The following ACTR1A variants were observed in gnomAD, a reference collection of about 807,000 sequenced individuals.
The protein encoded by ACTR1A is alpha-centractin.
A neutral mutation model predicts 50.7 loss-of-function variants in ACTR1A; 10 were observed. That is an observed-to-expected ratio of 0.20 (90% CI 0.12 to 0.33). The LOEUF (loss-of-function observed/expected upper bound fraction) is 0.33, where lower values mean the gene tolerates loss of function less well. ACTR1A is among the 10% of genes least tolerant of loss of function. The pLI, the probability that ACTR1A is intolerant of heterozygous loss-of-function variation, is 1.00. For synonymous variants in ACTR1A, 177 were observed against 184.2 expected (o/e 0.96, Z 0.32); for missense variants, 253 against 491.7 (o/e 0.51, Z 4.59).
intron 1 of ACTR1A, among the ~76,000 whole-genome samples, chr10:102,500,566 CAAAA>C (rs1277297771): frequency 8.3e-6 from 1 of 120,702 alleles, no homozygotes; most frequent in African/African-American, 3.0e-5. Flanking sequence ...GACTCCGTCT[CAAAA>C]ACAAACAAAC....
intron 1 of ACTR1A, among the ~76,000 whole-genome samples, chr10:102,499,466 A>G (rs768260884): frequency 3.3e-5 from 5 of 152,030 alleles, no homozygotes; most frequent in Non-Finnish European, 7.4e-5. Context: ...CCAGAGGGGG[A>G]AAAAAAAGAC....
chr10:102,487,708 T>A (rs1165874379), intron 4 of ACTR1A, among the ~76,000 whole-genome samples: 1 of 149,108 alleles, frequency 6.7e-6, no homozygotes, highest in Non-Finnish European at 1.5e-5. Flanking sequence ...CTCGGCTCAC[T>A]GCAAGCTCCG....
chr10:102,484,437 T>G (rs1589960011), intron 5 of ACTR1A, 61 bp from the exon 6 acceptor site: 1 of 1,414,412 alleles, frequency 7.1e-7, no homozygotes, highest in East Asian at 2.3e-5. Context: ...AGAAATACAC[T>G]TCTTTATTTA....
intron 1 of ACTR1A, among the ~76,000 whole-genome samples, chr10:102,495,726 C>T (rs2062217671): frequency 6.8e-6 from 1 of 147,756 alleles, no homozygotes; most frequent in African/African-American, 2.5e-5. Flanking sequence ...CAGCCTCCGT[C>T]TCAAAATAAA....
chr10:102,481,715 C>A (rs750989758), intron 9 of ACTR1A, 122 bp downstream of exon 9: 5 of 1,178,310 alleles, frequency 4.2e-6, no homozygotes, highest in South Asian at 1.3e-5. Context: ...GGGAACCTGG[C>A]GCTGCTTGTA....
chr10:102,484,202 G>T lies in ACTR1A; in HGVS notation c.615C>A (p.Phe205Leu). Residue 205 changes from phenylalanine (F) to leucine (L), a missense_variant, in exon 6 of 11, where the codon TTC (phenylalanine) becomes TTA (leucine). Around this residue, in one of 4 missense-constraint regions of ACTR1A, gnomAD observed 116 missense variants for 155.9 expected, o/e 0.74. Coordinates refer to ENST00000369905, the MANE Select transcript of ACTR1A (RefSeq NM_005736.4). ...CAATCTCAAACTCAGAGGATGAGTG[G>T]AAGTCGTAGCCCTCCTTACGCAGGT... ...RLYLRKEGYD[F>L]HSSSEFEIVK... The T allele has an allele frequency of 1.9e-6, 3 of 1,614,220 alleles. No individual in the cohort carries two copies. The highest frequency in any genetic ancestry group is 2.5e-6 in the Non-Finnish European group (3 of 1,180,048).
chr10:102,495,374 C>T (rs1278005886), intron 1 of ACTR1A, among the ~76,000 whole-genome samples: 1 of 152,052 alleles, frequency 6.6e-6, no homozygotes, highest in Non-Finnish European at 1.5e-5. Flanking sequence ...TTGAGACCAT[C>T]CTGGCTAACA....
intron 9 of ACTR1A, 34 bp downstream of exon 9, chr10:102,481,803 G>A (rs762557730): frequency 6.2e-7 from 1 of 1,611,368 alleles, no homozygotes; most frequent in Non-Finnish European, 8.5e-7. Context: ...TGGAAGCCTA[G>A]TTCCACCCAG....
At chr10:102,497,578 C>A (rs182121497) in intron 1 of ACTR1A, among the ~76,000 whole-genome samples, 251 of 150,988 alleles carry the variant, frequency 1.7e-3, no homozygotes, top group African/African-American at 5.5e-3. Context: ...TAGAGTGAGA[C>A]CTCATCTCTA....
intron 1 of ACTR1A, among the ~76,000 whole-genome samples, chr10:102,499,468 A>T (rs1292360568): frequency 6.6e-6 from 1 of 152,236 alleles, no homozygotes; most frequent in African/African-American, 2.4e-5. Context: ...AGAGGGGGAA[A>T]AAAAAGACAA....
chr10:102,494,437 A>AGC (rs2062209981), intron 1 of ACTR1A, among the ~76,000 whole-genome samples: 1 of 152,142 alleles, frequency 6.6e-6, no homozygotes, highest in Non-Finnish European at 1.5e-5. Context: ...GGTCGAGACC[A>AGC]GCCTGCACAT....
At chr10:102,502,488 T>C in intron 1 of ACTR1A, 112 bp downstream of exon 1, 1 of 1,226,334 alleles carries the variant, frequency 8.2e-7, no homozygotes, top group Non-Finnish European at 1.2e-6. Flanking sequence ...TGAACGCGCC[T>C]GACAGGCCGG....
intron 1 of ACTR1A, among the ~76,000 whole-genome samples, chr10:102,498,185 A>G (rs1589965715): frequency 6.6e-6 from 1 of 152,220 alleles, no homozygotes; most frequent in Admixed American, 6.5e-5. Context: ...GGTGGATGGG[A>G]ACACTAAAGC....
chr10:102,500,387 G>A (rs1343042739), intron 1 of ACTR1A, among the ~76,000 whole-genome samples: 1 of 152,010 alleles, frequency 6.6e-6, no homozygotes, highest in East Asian at 1.9e-4. Context: ...GGCTAACACG[G>A]TGAAACCCCA....
At chr10:102,490,666 G>A in intron 1 of ACTR1A, 53 bp from the exon 2 acceptor site, 1 of 1,310,496 alleles carries the variant, frequency 7.6e-7, no homozygotes, top group Admixed American at 1.8e-5. Context: ...AATACAAAAG[G>A]AAAAATACAT....
At chr10:102,493,561 A>T (rs573489196) in intron 1 of ACTR1A, among the ~76,000 whole-genome samples, 1 of 152,324 alleles carries the variant, frequency 6.6e-6, no homozygotes, top group East Asian at 1.9e-4. Context: ...GCCCAGTTCA[A>T]ATATCATCAC....
At chr10:102,501,560 T>C (rs940407060) in intron 1 of ACTR1A, among the ~76,000 whole-genome samples, 3 of 152,022 alleles carry the variant, frequency 2.0e-5, no homozygotes, top group African/African-American at 7.2e-5. Context: ...CCCCCCAAAA[T>C]AAGAGCAGTA....
intron 1 of ACTR1A, among the ~76,000 whole-genome samples, chr10:102,499,706 T>G (rs2135590829): frequency 6.6e-6 from 1 of 152,364 alleles, no homozygotes; most frequent in East Asian, 1.9e-4. Flanking sequence ...ATTGAATTTC[T>G]ATATATTTTT....
rs764424043 is a variant in ACTR1A, at chr10:102,483,053, T to A, written c.708A>T (p.Thr236=). The A allele has an allele frequency of 2.7e-5, 44 of 1,614,104 alleles. 1 individual carries two copies. The East Asian group carries it at 9.8e-4, about 36-fold the overall frequency. Residue 236 remains threonine, a synonymous_variant, in exon 7 of 11, where the codon ACA becomes ACT. Coordinates refer to ENST00000369905, the MANE Select transcript of ACTR1A (RefSeq NM_005736.4). Reference sequence around the variant, plus strand: ...CAGGCAGGTAGTACTGAGCTTTCTCTGTCTCTAGCGTCTCATCCTTTTGGG... The same window carrying A: ...CAGGCAGGTAGTACTGAGCTTTCTCAGTCTCTAGCGTCTCATCCTTTTGGG... ...INPQKDETLE[T]EKAQYYLPDG...
Sources: gnomAD v4.1 joint callset for allele counts (sites outside exome capture counted in the v4.1 genomes callset) on GRCh38, gnomAD v4.1.1 for gene constraint, gnomAD v4.1.1 regional missense constraint, MANE v1.5 for transcripts, NCBI Gene and HGNC (gene_info 2026-07-23, HGNC 2026-07-21) for gene names.